The following MYO1B variants were observed in gnomAD, a reference collection of about 807,000 sequenced individuals.
MYO1B encodes unconventional myosin-Ib.
MYO1B carries 72 observed loss-of-function variants against 159.7 expected under a neutral mutation model. The observed-to-expected ratio is 0.45, with a 90% CI of 0.37 to 0.55. MYO1B has a LOEUF of 0.55. Among genes scored for constraint, MYO1B ranks in the 20% least tolerant of loss-of-function variants. MYO1B has a pLI of 0.00. For missense variants in MYO1B, 1,062 were observed against 1,364.8 expected, an observed-to-expected ratio of 0.78 and a Z score of 3.50; for synonymous variants, 468 against 473.8, an observed-to-expected ratio of 0.99 and a Z score of 0.16.
At chr2:191,387,822 A>C (rs906702169) in intron 17 of MYO1B, 1 of 304,832 alleles carries the variant, frequency 3.3e-6, no homozygotes, top group Admixed American at 4.7e-5. Context: ...TTCATTTGGG[A>C]TTCTTGTTCT....
At chr2:191,399,927 A>G (rs1559236247) in intron 21 of MYO1B, among the ~76,000 whole-genome samples, 1 of 152,244 alleles carries the variant, frequency 6.6e-6, no homozygotes, top group Non-Finnish European at 1.5e-5. Flanking sequence ...AATGGAAAGA[A>G]GTCACTGGTT....
chr2:191,363,553 A>G (rs930308105), intron 9 of MYO1B, among the ~76,000 whole-genome samples, 175 bp from the exon 10 acceptor site: 1 of 152,082 alleles, frequency 6.6e-6, no homozygotes, highest in African/African-American at 2.4e-5. Context: ...AACCCCCGCC[A>G]CAGCACCAGA....
At chr2:191,353,070 C>G (rs761808109) in intron 7 of MYO1B, among the ~76,000 whole-genome samples, 1 of 152,186 alleles carries the variant, frequency 6.6e-6, no homozygotes, top group African/African-American at 2.4e-5. Flanking sequence ...TAACTCCTCT[C>G]TCTTTTTCTA....
chr2:191,278,246 G>T (rs574383076), intron 2 of MYO1B, among the ~76,000 whole-genome samples: 1 of 152,190 alleles, frequency 6.6e-6, no homozygotes, highest in Non-Finnish European at 1.5e-5. Flanking sequence ...CTCACAGATG[G>T]CGCCTTCTAA....
chr2:191,259,405 T>G (rs1369763463), intron 1 of MYO1B, among the ~76,000 whole-genome samples: 1 of 152,260 alleles, frequency 6.6e-6, no homozygotes, highest in Non-Finnish European at 1.5e-5. Flanking sequence ...TGGTCATTTC[T>G]GAATATTCTT....
At chr2:191,344,680 A>G (rs1692445952) in intron 5 of MYO1B, among the ~76,000 whole-genome samples, 1 of 151,406 alleles carries the variant, frequency 6.6e-6, no homozygotes, top group Non-Finnish European at 1.5e-5. Context: ...AATACAAAAA[A>G]TTAGCCGGGC....
At position 191,424,875 on chromosome 2, in the gene MYO1B, A is replaced by G. The variant is rs1294746686; in HGVS notation, c.*915A>G. 1 of 152,638 alleles carries G rather than the reference A, an allele frequency of 6.6e-6. No homozygotes were observed. The highest frequency in any genetic ancestry group is 1.5e-5 in the Non-Finnish European group (1 of 68,006). 9.5% of individuals were successfully genotyped at this position (152,638 alleles called of 1,614,324 possible). On this transcript the variant is annotated 3_prime_UTR_variant, in exon 31 of 31. Coordinates refer to ENST00000392318, the MANE Select transcript of MYO1B (RefSeq NM_001130158.3). ...GGCTAAAAGCCATTCAGATAGCAGTAAAACATTCTGTATGATGTGCAATAA... is the reference window on the plus strand; with the variant it reads ...GGCTAAAAGCCATTCAGATAGCAGTGAAACATTCTGTATGATGTGCAATAA...
At chr2:191,346,675 C>G (rs1248226911) in intron 6 of MYO1B, among the ~76,000 whole-genome samples, 1 of 152,104 alleles carries the variant, frequency 6.6e-6, no homozygotes, top group African/African-American at 2.4e-5. Context: ...TCAGTGGGTC[C>G]AGAAAGGATG....
chr2:191,363,535 T>G (rs1389329930), intron 9 of MYO1B, among the ~76,000 whole-genome samples, 193 bp from the exon 10 acceptor site: 1 of 152,078 alleles, frequency 6.6e-6, no homozygotes, highest in Non-Finnish European at 1.5e-5. Context: ...CCTCTTTATG[T>G]GCCCTGCAAC....
At chr2:191,321,583 G>A (rs1690715738) in intron 3 of MYO1B, among the ~76,000 whole-genome samples, 2 of 152,142 alleles carry the variant, frequency 1.3e-5, no homozygotes, top group African/African-American at 4.8e-5. Flanking sequence ...TTGCATATTT[G>A]TTCTTTTCTC....
In MYO1B at chr2:191,409,101, A is replaced by C. The variant is rs1201380052; in HGVS notation, c.2689A>C (p.Lys897Gln). 4 of 1,613,432 alleles carry C rather than the reference A, an allele frequency of 2.5e-6. No individual in the cohort carries two copies. The highest frequency in any genetic ancestry group is 1.1e-5 in the South Asian group (1 of 90,750). Residue 897 changes from lysine (K) to glutamine (Q), a missense_variant, in exon 26 of 31, where the codon AAG becomes CAG. Around this residue, in one of 5 missense-constraint regions of MYO1B, gnomAD observed 609 missense variants for 744.4 expected, o/e 0.82. Transcript: ENST00000392318. ...GATGCCTTCCTTATCTCCAATAGAC[A>C]AGAATTGGCCCTCAAGACCTTACTT... The part of the protein sequence containing the change: ...NKMPSLSPID[K>Q]NWPSRPYLFL...
At chr2:191,385,006 G>T (rs954027202) in intron 15 of MYO1B, among the ~76,000 whole-genome samples, 1 of 152,218 alleles carries the variant, frequency 6.6e-6, no homozygotes, top group Non-Finnish European at 1.5e-5. Context: ...TCGTGGCCTT[G>T]TTAGCAGAAG....
intron 2 of MYO1B, among the ~76,000 whole-genome samples, chr2:191,294,976 G>A (rs1688897943): frequency 6.6e-6 from 1 of 152,114 alleles, no homozygotes; most frequent in African/African-American, 2.4e-5. Context: ...CCCAGTGGTG[G>A]TAATACTGGA....
At chr2:191,302,113 T>C (rs986861709) in intron 3 of MYO1B, among the ~76,000 whole-genome samples, 1 of 152,244 alleles carries the variant, frequency 6.6e-6, no homozygotes. Context: ...GTTAAAATCC[T>C]GCCAGTCTTC....
At chr2:191,313,192 CTTTTTTTTTTTTTTTTTT>C (rs762175060) in intron 3 of MYO1B, among the ~76,000 whole-genome samples, 11 of 43,012 alleles carry the variant, frequency 2.6e-4, no homozygotes, top group African/African-American at 4.4e-4. Flanking sequence ...GCACACATGG[CTTTTTTTTTTTTTTTTTT>C]TTTTTTTTTT....
intron 30 of MYO1B, among the ~76,000 whole-genome samples, chr2:191,422,331 G>A (rs1697988934): frequency 6.6e-6 from 1 of 152,142 alleles, no homozygotes; most frequent in African/African-American, 2.4e-5. Flanking sequence ...CCCCAGTGAT[G>A]CTATCCTCAG....
intron 3 of MYO1B, among the ~76,000 whole-genome samples, chr2:191,303,854 G>A (rs1051187691): frequency 6.6e-6 from 1 of 152,180 alleles, no homozygotes; most frequent in Non-Finnish European, 1.5e-5. Context: ...TGTACAGAAG[G>A]GGATTAGAGC....
intron 20 of MYO1B, among the ~76,000 whole-genome samples, chr2:191,395,220 C>CTGT (rs1482013677): frequency 3.0e-4 from 45 of 152,212 alleles, no homozygotes; most frequent in African/African-American, 9.2e-4. Context: ...TCTACAGCTA[C>CTGT]ATCTGTGGAA....
intron 27 of MYO1B, among the ~76,000 whole-genome samples, chr2:191,412,647 T>C (rs1697317384): frequency 6.6e-6 from 1 of 152,206 alleles, no homozygotes; most frequent in Non-Finnish European, 1.5e-5. Context: ...ACCCACAACA[T>C]AAGCATTTAA....
Sources: allele counts gnomAD v4.1 joint callset (sites outside exome capture counted in the v4.1 genomes callset), GRCh38; gene constraint gnomAD v4.1.1; regional missense constraint gnomAD v4.1.1; transcripts MANE v1.5; gene names NCBI Gene and HGNC (gene_info 2026-07-23, HGNC 2026-07-21).